Variants in POF1B observed in about 807,000 individuals in gnomAD.
POF1B encodes the protein POF1B actin binding protein, also known as protein POF1B.
POF1B carries 53 observed loss-of-function variants against 55.3 expected under a neutral mutation model. The observed-to-expected ratio is 0.96, with a 90% CI of 0.77 to 1.20. POF1B has a LOEUF of 1.20. Among genes scored for constraint, POF1B ranks in the 50% most tolerant of loss-of-function variants. The probability of loss-of-function intolerance (pLI) is 0.00; values close to 1 mark genes in which losing one functional copy is unlikely to be tolerated. For synonymous variants in POF1B, 188 were observed against 148.3 expected (o/e 1.27, Z -1.95); for missense variants, 478 against 420.5 (o/e 1.14, Z -1.20).
intron 15 of POF1B, among the ~76,000 whole-genome samples, chrX:85,299,617 A>G (rs6653056): frequency 0.25 from 19,104 of 75,515 alleles, 2,093 homozygotes; most frequent in African/African-American, 0.45. Flanking sequence ...CCATTCTCCT[A>G]CCTCAGCCTC....
chrX:85,294,960 T>C (rs1021565263), intron 15 of POF1B, among the ~76,000 whole-genome samples: 5 of 111,874 alleles, frequency 4.5e-5, no homozygotes, highest in African/African-American at 6.5e-5. Context: ...TGGAAGGGTA[T>C]GTGTTTTTAT....
intron 2 of POF1B, among the ~76,000 whole-genome samples, chrX:85,368,903 A>C (rs907636479): frequency 8.9e-6 from 1 of 111,857 alleles, no homozygotes; most frequent in African/African-American, 3.2e-5. Context: ...CAAAGGTATA[A>C]ATATTTTTTC....
chrX:85,328,344 A>G (rs984889098), intron 7 of POF1B, among the ~76,000 whole-genome samples: 3 of 108,758 alleles, frequency 2.8e-5, no homozygotes, highest in Non-Finnish European at 5.7e-5. Flanking sequence ...AGCTGGGACT[A>G]CAGGCGCCCG....
At chrX:85,350,127 C>T (rs1205615951) in intron 5 of POF1B, among the ~76,000 whole-genome samples, 1 of 110,086 alleles carries the variant, frequency 9.1e-6, no homozygotes, top group Non-Finnish European at 1.9e-5. Context: ...TGGTGTGCTG[C>T]ACCCACTAAC....
At chrX:85,367,447 A>T in intron 3 of POF1B, among the ~76,000 whole-genome samples, 1 of 112,376 alleles carries the variant, frequency 8.9e-6, no homozygotes, top group South Asian at 3.7e-4. Context: ...AACTGCACTC[A>T]AACTAAAAGC....
chrX:85,303,301 A>G, intron 15 of POF1B, 105 bp downstream of exon 15: 1 of 486,361 alleles, frequency 2.1e-6, no homozygotes. Flanking sequence ...TGGCCAGCAG[A>G]AAACACCAAA....
In POF1B at chrX:85,313,317, G is replaced by A. The variant is rs538787007; in HGVS notation, c.957+1115C>T. Among the ~76,000 whole-genome samples the A allele has an allele frequency of 4.5e-5, 5 of 111,188 alleles. No individual in the cohort carries two copies. The South Asian group carries it at 1.1e-3, about 25-fold the overall frequency. ...GTATGATATTGGCTGTTGGTTTGTC[G>A]TAAATAGCTCTTATTATTTTGAGAT... On this transcript the variant is annotated intron_variant, in intron 9 of 16. Transcript: ENST00000262753.
At chrX:85,295,549 G>T (rs1932290673) in intron 15 of POF1B, among the ~76,000 whole-genome samples, 1 of 111,669 alleles carries the variant, frequency 9.0e-6, no homozygotes, top group Non-Finnish European at 1.9e-5. Flanking sequence ...ATATCTTCTT[G>T]GTACTGATTT....
intron 9 of POF1B, among the ~76,000 whole-genome samples, chrX:85,314,122 G>A (rs747042667): frequency 1.8e-5 from 2 of 109,692 alleles, no homozygotes; most frequent in Non-Finnish European, 3.8e-5. Context: ...GTAGGGAAGA[G>A]GGTGGAATGG....
intron 13 of POF1B, among the ~76,000 whole-genome samples, chrX:85,305,036 T>G (rs759090986): frequency 1.8e-5 from 2 of 111,211 alleles, no homozygotes; most frequent in African/African-American, 6.5e-5. Flanking sequence ...GTGTGTAGCT[T>G]AGGTAGAAGT....
intron 7 of POF1B, among the ~76,000 whole-genome samples, chrX:85,323,677 C>G: frequency 9.0e-6 from 1 of 111,186 alleles, no homozygotes; most frequent in Middle Eastern, 4.6e-3. Context: ...CTTCTGGATT[C>G]ATTGCTCTTT....
At chrX:85,297,942 G>C (rs1932343571) in intron 15 of POF1B, among the ~76,000 whole-genome samples, 1 of 112,219 alleles carries the variant, frequency 8.9e-6, no homozygotes, top group Non-Finnish European at 1.9e-5. Context: ...TCCCCAGATT[G>C]AGTTCTGGCA....
At chrX:85,341,642 G>T (rs1357486839) in intron 6 of POF1B, among the ~76,000 whole-genome samples, 1 of 110,521 alleles carries the variant, frequency 9.0e-6, no homozygotes, top group East Asian at 2.9e-4. Flanking sequence ...TAATGGGATT[G>T]AAGAGGGCAA....
rs1182497280 is a variant in POF1B, at chrX:85,315,742, A to G, written c.855-8T>C. The G allele has an allele frequency of 8.5e-7, 1 of 1,173,953 alleles. No homozygotes were observed. The highest frequency in any genetic ancestry group is 1.1e-6 in the Non-Finnish European group (1 of 877,783). ...GACTCAAAGTCCTGTTTGCTGCAAGAACAAAAAAAAAGATACACAACTTTA... is the reference window on the plus strand; with the variant it reads ...GACTCAAAGTCCTGTTTGCTGCAAGGACAAAAAAAAAGATACACAACTTTA... On this transcript the variant is annotated splice_region_variant and splice_polypyrimidine_tract_variant and intron_variant, in intron 7 of 16. Transcript: ENST00000262753.
At chrX:85,300,622 C>T in intron 15 of POF1B, among the ~76,000 whole-genome samples, 1 of 111,816 alleles carries the variant, frequency 8.9e-6, no homozygotes, top group Admixed American at 9.5e-5. Flanking sequence ...ATATTATTTT[C>T]AATGTCACGT....
intron 14 of POF1B, 27 bp downstream of exon 14, chrX:85,304,316 C>A: frequency 8.8e-7 from 1 of 1,139,127 alleles, no homozygotes; most frequent in South Asian, 2.2e-5. Context: ...TATTACTTTT[C>A]TCCATCCCCA....
chrX:85,333,843 C>T (rs1933018857), intron 6 of POF1B, among the ~76,000 whole-genome samples: 1 of 107,636 alleles, frequency 9.3e-6, no homozygotes, highest in Non-Finnish European at 1.9e-5. Context: ...GCAGGTAAGT[C>T]GTTATTCACA....
At chrX:85,291,110 C>T (rs1932176731) in intron 15 of POF1B, among the ~76,000 whole-genome samples, 1 of 111,601 alleles carries the variant, frequency 9.0e-6, no homozygotes, top group Admixed American at 9.6e-5. Context: ...TTTATTTTTG[C>T]ATATAGTGTA....
chrX:85,288,249 GT>G lies in POF1B; in HGVS notation c.1650-5933del, dbSNP rs1239377566. Among the ~76,000 whole-genome samples the G allele has an allele frequency of 1.4e-4, 16 of 111,486 alleles. No individual in the cohort carries two copies. The South Asian group carries it at 1.5e-3, about 11-fold the overall frequency. ...TCATCCAACTACCTCCTGCCCCTCA[GT>G]TCCTGTTTCGGGCAAGAGTGGTTGA... On this transcript the variant is annotated intron_variant, in intron 15 of 16. Transcript: ENST00000262753.
Sources: gnomAD v4.1 joint callset for allele counts (sites outside exome capture counted in the v4.1 genomes callset) on GRCh38, gnomAD v4.1.1 for gene constraint, MANE v1.5 for transcripts, NCBI Gene and HGNC (gene_info 2026-07-23, HGNC 2026-07-21) for gene names.